The following STAG1 variants were observed in gnomAD, a reference collection of about 807,000 sequenced individuals.
STAG1 encodes the protein STAG1 cohesin complex component.
In STAG1, 26 loss-of-function variants were observed where a neutral mutation model predicts 170.9. The observed-to-expected ratio is 0.15, with a 90% CI of 0.11 to 0.21. The LOEUF (loss-of-function observed/expected upper bound fraction) is 0.21, where lower values mean the gene tolerates loss of function less well. Ranked by LOEUF, STAG1 falls within the 10% of genes least tolerant of loss-of-function variation. The pLI is 1.00. For synonymous variants in STAG1, 514 were observed against 497.7 expected (o/e 1.03, Z -0.44); for missense variants, 964 against 1,509.5 (o/e 0.64, Z 5.99).
chr3:136,704,986 CAATAAACTTCAATATAT>C (rs894119351), intron 1 of STAG1, among the ~76,000 whole-genome samples: 10 of 151,948 alleles, frequency 6.6e-5, no homozygotes, highest in East Asian at 3.9e-4. Context: ...TAATACCTAA[CAATAAACTTCAATATAT>C]AATAAACTTC....
At chr3:136,348,156 C>G (rs1936302561) in intron 29 of STAG1, among the ~76,000 whole-genome samples, 1 of 152,070 alleles carries the variant, frequency 6.6e-6, no homozygotes, top group African/African-American at 2.4e-5. Flanking sequence ...GATCACAGAC[C>G]TCCTCTTGGT....
At chr3:136,742,387 A>G (rs1051012881) in intron 1 of STAG1, among the ~76,000 whole-genome samples, 1 of 152,148 alleles carries the variant, frequency 6.6e-6, no homozygotes, top group South Asian at 2.1e-4. Context: ...GAAATCAGTA[A>G]TAAGTTATCT....
intron 9 of STAG1, among the ~76,000 whole-genome samples, chr3:136,487,938 G>A (rs2090049463): frequency 6.6e-6 from 1 of 152,190 alleles, no homozygotes; most frequent in South Asian, 2.1e-4. Flanking sequence ...CATGTGATGA[G>A]TAACTAGAGC....
At chr3:136,459,514 C>A (rs575503738) in intron 13 of STAG1, among the ~76,000 whole-genome samples, 1 of 152,116 alleles carries the variant, frequency 6.6e-6, no homozygotes, top group Admixed American at 6.5e-5. Flanking sequence ...GCATTCTAGA[C>A]CAAATGGACC....
At chr3:136,416,512 G>T (rs926255133) in intron 21 of STAG1, among the ~76,000 whole-genome samples, 1 of 152,196 alleles carries the variant, frequency 6.6e-6, no homozygotes, top group Admixed American at 6.5e-5. Context: ...AGATGAAACA[G>T]AGATGTACTC....
At chr3:136,412,658 T>G (rs1387752238) in intron 21 of STAG1, among the ~76,000 whole-genome samples, 1 of 152,116 alleles carries the variant, frequency 6.6e-6, no homozygotes, top group Non-Finnish European at 1.5e-5. Context: ...AATTTAAACA[T>G]GCAGATCAGA....
At chr3:136,474,263 A>G (rs529239180) in intron 10 of STAG1, among the ~76,000 whole-genome samples, 12 of 152,196 alleles carry the variant, frequency 7.9e-5, no homozygotes, top group Admixed American at 1.3e-4. Context: ...CTCTCAAAAG[A>G]TTTAAAGGGG....
At position 136,443,298 on chromosome 3, in the gene STAG1, T is replaced by C. The variant is rs370328978; in HGVS notation, c.1535A>G (p.Gln512Arg). 1.9e-6 allele frequency: 3 copies of C among 1,610,462 alleles called. No homozygotes were observed. The highest frequency in any genetic ancestry group is 2.7e-5 in the African/African-American group (2 of 74,852). ...TCAAAATACTATACCTTCCTCTCCT[T>C]GAACAGGTTCTTCTAATAGCAACTC... Reference protein sequence around the residue: ...MTELLLEEPVQGEEAMSDRQE... With the variant: ...MTELLLEEPVRGEEAMSDRQE... The change falls in exon 15 of 34, where the codon CAA becomes CGA. Residue 512 changes from glutamine to arginine, a missense_variant. This residue lies in a region of STAG1 where 162 missense variants were observed against 211.2 expected (regional missense o/e 0.77). Transcript: ENST00000383202.
At chr3:136,457,147 A>T (rs898486109) in intron 13 of STAG1, among the ~76,000 whole-genome samples, 4 of 152,122 alleles carry the variant, frequency 2.6e-5, no homozygotes, top group African/African-American at 7.2e-5. Flanking sequence ...GGCCTTTGGA[A>T]CAGCAAAGTC....
chr3:136,512,727 G>A (rs1934133748), intron 7 of STAG1, among the ~76,000 whole-genome samples: 1 of 136,946 alleles, frequency 7.3e-6, no homozygotes, highest in South Asian at 2.6e-4. Context: ...AACAACAATT[G>A]AGGATCTATA....
In STAG1 at chr3:136,437,933, A is replaced by G. The variant is rs191848361; in HGVS notation, c.1547-4274T>C. Among the ~76,000 whole-genome samples the G allele has an allele frequency of 2.6e-5, 4 of 152,308 alleles. No individual in the cohort carries two copies. In the East Asian group the frequency reaches 7.7e-4, roughly 29 times the overall value. ...GCAATGATTATGTATTTTTCCAAAC[A>G]ATGTTTATGAAAGGGATTTTTCTTA... On this transcript the variant is annotated intron_variant, in intron 15 of 33. Transcript: ENST00000383202.
chr3:136,701,133 CGGCCTCCCAAAGTGCTT>C (rs1451854749), intron 1 of STAG1, among the ~76,000 whole-genome samples: 3 of 151,496 alleles, frequency 2.0e-5, no homozygotes, highest in Admixed American at 6.6e-5. Context: ...CCACCCGCCT[CGGCCTCCCAAAGTGCTT>C]GGCCTCCCAA....
chr3:136,464,745 C>G (rs1449556636), intron 13 of STAG1, 136 bp downstream of exon 13: 2 of 616,422 alleles, frequency 3.2e-6, no homozygotes, highest in Non-Finnish European at 5.5e-6. Flanking sequence ...GGCTGTGAGG[C>G]TGTTATAGCC....
At chr3:136,588,756 G>A (rs1559894776) in intron 4 of STAG1, among the ~76,000 whole-genome samples, 1 of 151,226 alleles carries the variant, frequency 6.6e-6, no homozygotes, top group African/African-American at 2.4e-5. Flanking sequence ...CCTATTTTCT[G>A]TTTTTTTTGT....
intron 7 of STAG1, among the ~76,000 whole-genome samples, chr3:136,503,531 T>C (rs919768538): frequency 1.3e-5 from 2 of 152,196 alleles, no homozygotes; most frequent in African/African-American, 4.8e-5. Flanking sequence ...AGTGAGAATA[T>C]GGGAAATACA....
chr3:136,577,128 T>C (rs1937493487), intron 4 of STAG1, among the ~76,000 whole-genome samples: 1 of 152,160 alleles, frequency 6.6e-6, no homozygotes, highest in African/African-American at 2.4e-5. Context: ...ATTACGGCAA[T>C]AATTATGGCT....
chr3:136,399,055 T>C lies in STAG1; in HGVS notation c.2197-226A>G, dbSNP rs534531175. ...CACAACATATGGGAATAAATACAGA[T>C]TGAAATAGCACTATGTTTAAACAAA... On this transcript the variant is annotated intron_variant, in intron 21 of 33. Transcript: ENST00000383202. Among the ~76,000 whole-genome samples, 79 of 152,282 alleles carry C rather than the reference T, an allele frequency of 5.2e-4. No individual in the cohort carries two copies. The South Asian group carries it at 9.1e-3, about 18-fold the overall frequency.
At chr3:136,520,189 T>C (rs1293064977) in intron 7 of STAG1, among the ~76,000 whole-genome samples, 2 of 152,176 alleles carry the variant, frequency 1.3e-5, no homozygotes, top group African/African-American at 4.8e-5. Flanking sequence ...AATGTGTAGT[T>C]CCCAAATCAC....
intron 15 of STAG1, among the ~76,000 whole-genome samples, chr3:136,439,442 A>ACACACACG (rs1491382567): frequency 1.4e-5 from 1 of 70,576 alleles, no homozygotes; most frequent in Non-Finnish European, 3.4e-5. Context: ...ACACACACAC[A>ACACACACG]AACACTGTAA....
Sources: allele counts gnomAD v4.1 joint callset (sites outside exome capture counted in the v4.1 genomes callset), GRCh38; gene constraint gnomAD v4.1.1; regional missense constraint gnomAD v4.1.1; transcripts MANE v1.5; gene names NCBI Gene and HGNC (gene_info 2026-07-23, HGNC 2026-07-21).